The following CDIN1 variants were observed in gnomAD, a reference collection of about 807,000 sequenced individuals.
CDIN1 encodes the protein CDAN1 interacting nuclease 1.
In CDIN1, 33 loss-of-function variants were observed where a neutral mutation model predicts 45.3. That is an observed-to-expected ratio of 0.73 (90% confidence interval 0.55 to 0.97). The LOEUF is 0.97. Among genes scored for constraint, CDIN1 ranks in the 50% least tolerant of loss-of-function variants. The pLI is 0.00. For synonymous variants in CDIN1, 118 were observed against 124.4 expected, an observed-to-expected ratio of 0.95 and a Z score of 0.34; for missense variants, 303 against 339.4, an observed-to-expected ratio of 0.89 and a Z score of 0.84.
At chr15:36,793,660 A>T (rs1235261538) in intron 10 of CDIN1, among the ~76,000 whole-genome samples, 1 of 152,154 alleles carries the variant, frequency 6.6e-6, no homozygotes, top group Non-Finnish European at 1.5e-5. Flanking sequence ...TGATCCTTCA[A>T]CTGTTTCTTT....
At chr15:36,799,236 G>C (rs199996163) in intron 10 of CDIN1, 13 of 11,308 alleles carry the variant, frequency 1.1e-3, no homozygotes, top group African/African-American at 1.8e-3. Flanking sequence ...TAGTACTTAA[G>C]TAAGTAAGTG....
chr15:36,585,088 T>A (rs779622447), intron 1 of CDIN1, among the ~76,000 whole-genome samples: 31 of 152,212 alleles, frequency 2.0e-4, no homozygotes, highest in Non-Finnish European at 3.1e-4. Flanking sequence ...TATTTTACAT[T>A]ATAATTTCCT....
intron 10 of CDIN1, among the ~76,000 whole-genome samples, chr15:36,743,314 G>A (rs1177351168): frequency 7.9e-5 from 12 of 152,168 alleles, no homozygotes. Flanking sequence ...TAAGAAATAA[G>A]CAGTAGATAA....
chr15:36,710,669 G>A (rs1044948965), intron 10 of CDIN1, among the ~76,000 whole-genome samples: 1 of 152,056 alleles, frequency 6.6e-6, no homozygotes, highest in Non-Finnish European at 1.5e-5. Context: ...CCAAACTTTG[G>A]CTTTTTCTAT....
At chr15:36,653,192 G>A (rs146559388) in intron 3 of CDIN1, among the ~76,000 whole-genome samples, 58 of 152,214 alleles carry the variant, frequency 3.8e-4, no homozygotes, top group Non-Finnish European at 7.2e-4. Flanking sequence ...GATGTACAGG[G>A]TATTCCTCGA....
At chr15:36,584,154 G>A (rs2037180389) in intron 1 of CDIN1, among the ~76,000 whole-genome samples, 1 of 152,214 alleles carries the variant, frequency 6.6e-6, no homozygotes, top group Non-Finnish European at 1.5e-5. Flanking sequence ...CATAGTGGTG[G>A]TGGATTAAAT....
At chr15:36,682,979 A>C (rs1332576198) in intron 5 of CDIN1, among the ~76,000 whole-genome samples, 1 of 152,194 alleles carries the variant, frequency 6.6e-6, no homozygotes, top group Non-Finnish European at 1.5e-5. Flanking sequence ...ATAGACTTTG[A>C]AGTAACAGTC....
intron 8 of CDIN1, chr15:36,708,973 A>G (rs1422469680): frequency 6.0e-6 from 2 of 332,094 alleles, no homozygotes; most frequent in African/African-American, 2.1e-5. Flanking sequence ...AGTATATGAC[A>G]GCTTGAACTC....
chr15:36,600,967 C>T (rs1161895362), intron 1 of CDIN1, among the ~76,000 whole-genome samples: 3 of 151,650 alleles, frequency 2.0e-5, no homozygotes, highest in Admixed American at 6.6e-5. Flanking sequence ...GACTTTTATT[C>T]GTGAGTGAGA....
Position 36,809,236 on chromosome 15 carries a change from C to T in CDIN1, c.*783C>T, listed in dbSNP as rs963067603. On this transcript the variant is annotated 3_prime_UTR_variant, in exon 11 of 11. Coordinates refer to ENST00000566621, the MANE Select transcript of CDIN1 (RefSeq NM_001321759.2). ...TAGATTGGGGGCCGAGAGGCGACAA[C>T]CCAACATTGAGGAGAGTTTATTTTT... 3.8e-6 allele frequency: 1 copy of T among 261,652 alleles called. No individual in the cohort carries two copies. Among genetic ancestry groups the T allele is most frequent in the Non-Finnish European group, 7.6e-6 (1 of 131,132 alleles). 16.2% of individuals were successfully genotyped at this position (261,652 alleles called of 1,614,324 possible).
chr15:36,765,476 G>A (rs1200058267), intron 10 of CDIN1, among the ~76,000 whole-genome samples: 1 of 152,046 alleles, frequency 6.6e-6, no homozygotes, highest in Non-Finnish European at 1.5e-5. Flanking sequence ...GAGATGTGGG[G>A]GATAAAAATA....
chr15:36,687,442 G>A lies in CDIN1; in HGVS notation c.347-4243G>A, dbSNP rs1439045130. The stretch of plus-strand genomic sequence containing the variant: ...AAAAGAAATGGAACACTAGTTATGT[G>A]AGGGAGGCAGATCCTATCCAAAAGA... On this transcript the variant is annotated intron_variant, in intron 5 of 10. Transcript: ENST00000566621. Among the ~76,000 whole-genome samples the A allele has an allele frequency of 2.0e-5, 3 of 152,182 alleles. No homozygotes were observed. In the East Asian group the frequency reaches 5.8e-4, roughly 29 times the overall value.
intron 1 of CDIN1, among the ~76,000 whole-genome samples, chr15:36,593,708 C>T (rs529206648): frequency 5.3e-5 from 8 of 152,132 alleles, no homozygotes; most frequent in South Asian, 2.1e-4. Flanking sequence ...TGACTACAGG[C>T]GCCCGCCACC....
intron 1 of CDIN1, among the ~76,000 whole-genome samples, chr15:36,611,041 C>T (rs545679437): frequency 2.0e-5 from 3 of 152,250 alleles, no homozygotes; most frequent in Admixed American, 6.5e-5. Context: ...ATTCTCTTAG[C>T]GTTATGTTAC....
chr15:36,602,955 T>A (rs2038180862), intron 1 of CDIN1, among the ~76,000 whole-genome samples: 1 of 151,634 alleles, frequency 6.6e-6, no homozygotes, highest in Non-Finnish European at 1.5e-5. Flanking sequence ...GCCTCTGCAC[T>A]CCAGCCTGGG....
intron 6 of CDIN1, among the ~76,000 whole-genome samples, 152 bp downstream of exon 6, chr15:36,691,916 A>G (rs1364385334): frequency 6.9e-6 from 1 of 145,562 alleles, no homozygotes; most frequent in Non-Finnish European, 1.5e-5. Flanking sequence ...CGAGAAGAGC[A>G]TTTCACTTTT....
chr15:36,677,448 A>G (rs1463185904), intron 5 of CDIN1, among the ~76,000 whole-genome samples: 1 of 152,140 alleles, frequency 6.6e-6, no homozygotes, highest in African/African-American at 2.4e-5. Flanking sequence ...CACCACCAAT[A>G]ATAAACTTGT....
At position 36,692,140 on chromosome 15, in the gene CDIN1, C is replaced by T; in HGVS notation, c.441C>T (p.Asp147=). The change falls in exon 7 of 11, where the codon GAC becomes GAT. Residue 147 remains aspartate (D), a synonymous_variant. Coordinates refer to ENST00000566621, the MANE Select transcript of CDIN1 (RefSeq NM_001321759.2). The stretch of plus-strand genomic sequence containing the variant: ...TTTGTCTGCAGTGCATTGTGAACGA[C>T]TGCTGTTACGGACCACTAGTGGACT... ...ANQVYQCIVN[D]CCYGPLVDCI... is the part of the protein sequence containing the mutation. The T allele has an allele frequency of 6.2e-7, 1 of 1,613,842 alleles. No individual in the cohort carries two copies. The highest frequency in any genetic ancestry group is 8.5e-7 in the Non-Finnish European group (1 of 1,179,846).
At chr15:36,641,477 C>T (rs1169536369) in intron 1 of CDIN1, 1 of 152,254 alleles carries the variant, frequency 6.6e-6, no homozygotes, top group African/African-American at 2.4e-5. Flanking sequence ...CTCCTTTACC[C>T]AGACAGCTGT....
Sources: allele counts gnomAD v4.1 joint callset (sites outside exome capture counted in the v4.1 genomes callset), GRCh38; gene constraint gnomAD v4.1.1; transcripts MANE v1.5; gene names NCBI Gene and HGNC (gene_info 2026-07-23, HGNC 2026-07-21).